The following PRXL2A variants were observed in gnomAD, a reference collection of about 807,000 sequenced individuals.
PRXL2A encodes peroxiredoxin like 2A.
In PRXL2A, 26 loss-of-function variants were observed where a neutral mutation model predicts 25.6. The observed-to-expected ratio is 1.02, with a 90% CI of 0.74 to 1.41. The LOEUF (loss-of-function observed/expected upper bound fraction) is 1.41. Among genes scored for constraint, PRXL2A ranks in the 40% most tolerant of loss-of-function variants. The pLI is 0.00. For missense variants in PRXL2A, 246 were observed against 273.9 expected, an observed-to-expected ratio of 0.90 and a Z score of 0.72; for synonymous variants, 98 against 102.9, an observed-to-expected ratio of 0.95 and a Z score of 0.29.
chr10:80,425,975 A>G lies in PRXL2A; in HGVS notation c.380A>G (p.Tyr127Cys), dbSNP rs1211178795. ...ACTGAAGTGAAGGATTTCCAGCCTT[A>G]TTTCAAAGGAGAAATCTTCCTGGAT... is the stretch of plus-strand genomic sequence containing the variant. ...IRTEVKDFQP[Y>C]FKGEIFLDEK... is the part of the protein sequence containing the mutation. The change falls in exon 4 of 6, where the codon TAT (tyrosine) becomes TGT (cysteine). Residue 127 changes from tyrosine to cysteine, a missense_variant. Physicochemically the swap from Tyr to Cys is radical, Grantham distance 194. Coordinates refer to ENST00000606162, the MANE Select transcript of PRXL2A (RefSeq NM_032333.5). 1 of 1,614,248 alleles carries G rather than the reference A, an allele frequency of 6.2e-7. No individual in the cohort carries two copies. Among genetic ancestry groups the G allele is most frequent in the Non-Finnish European group, 8.5e-7 (1 of 1,180,036 alleles).
In PRXL2A at chr10:80,432,079, T is replaced by C. The variant is rs1320898490; in HGVS notation, c.670T>C (p.Leu224=). 3 of 1,606,538 alleles carry C rather than the reference T, an allele frequency of 1.9e-6. No individual in the cohort carries two copies. Among genetic ancestry groups the C allele is most frequent in the Non-Finnish European group, 2.5e-6 (3 of 1,177,762 alleles). ...EAAKMIKPQT[L]ASEKK is the part of the protein sequence containing the mutation. ...TGCTAAGATGATCAAACCACAGACT[T>C]TGGCCTCAGAGAAAAAATGATTGTG... The change falls in exon 6 of 6, where the codon TTG becomes CTG. Residue 224 remains leucine (L), a synonymous_variant. Coordinates refer to ENST00000606162, the MANE Select transcript of PRXL2A (RefSeq NM_032333.5).
intron 3 of PRXL2A, among the ~76,000 whole-genome samples, chr10:80,424,564 C>T (rs1409014463): frequency 7.5e-6 from 1 of 132,934 alleles, no homozygotes. Flanking sequence ...GGCAACAGGG[C>T]AAGACTCAAA....
At chr10:80,422,973 G>A (rs1024771481) in intron 3 of PRXL2A, among the ~76,000 whole-genome samples, 14 of 152,206 alleles carry the variant, frequency 9.2e-5, no homozygotes, top group Admixed American at 7.9e-4. Context: ...TTTCCTTGGG[G>A]AGCTCTTAGA....
chr10:80,432,043 G>A lies in PRXL2A; in HGVS notation c.634G>A (p.Val212Ile). 6.2e-7 allele frequency: 1 copy of A among 1,611,312 alleles called. No homozygotes were observed. Among genetic ancestry groups the A allele is most frequent in the Non-Finnish European group, 8.5e-7 (1 of 1,179,356 alleles). ...TGGAGACAAAGTAAACCTACTTTCT[G>A]TTCTGGAAGCTGCTAAGATGATCAA... The part of the protein sequence containing the change: ...EFGDKVNLLS[V>I]LEAAKMIKPQ... Residue 212 changes from valine (V) to isoleucine (I), a missense_variant, in exon 6 of 6, where the codon GTT (valine) becomes ATT (isoleucine). Val to Ile is a conservative substitution (Grantham distance 29, BLOSUM62 3). Coordinates refer to ENST00000606162, the MANE Select transcript of PRXL2A (RefSeq NM_032333.5).
At chr10:80,424,508 C>T (rs115808020) in intron 3 of PRXL2A, among the ~76,000 whole-genome samples, 4,499 of 149,090 alleles carry the variant, frequency 0.03, 222 homozygotes, top group African/African-American at 0.1. Flanking sequence ...TGCTTGAGCC[C>T]AGGAGTTCAG....
chr10:80,419,032 C>G (rs1844764255), intron 1 of PRXL2A, among the ~76,000 whole-genome samples: 1 of 152,152 alleles, frequency 6.6e-6, no homozygotes. Flanking sequence ...TATGACCAGA[C>G]TGGAATGCAG....
At chr10:80,431,055 A>G (rs1219018988) in intron 5 of PRXL2A, among the ~76,000 whole-genome samples, 1 of 151,954 alleles carries the variant, frequency 6.6e-6, no homozygotes, top group Non-Finnish European at 1.5e-5. Flanking sequence ...GAGCTACCGT[A>G]CCTGGCTAAT....
At chr10:80,415,325 G>T (rs947779374) in intron 1 of PRXL2A, among the ~76,000 whole-genome samples, 1 of 152,242 alleles carries the variant, frequency 6.6e-6, no homozygotes, top group Non-Finnish European at 1.5e-5. Flanking sequence ...GGGTTTTGAG[G>T]TCTGGATCTT....
chr10:80,426,077 C>T, intron 4 of PRXL2A, 71 bp downstream of exon 4: 1 of 1,588,754 alleles, frequency 6.3e-7, no homozygotes, highest in South Asian at 1.1e-5. Context: ...AGTCAGGTGG[C>T]CCAGGTATGT....
intron 1 of PRXL2A, among the ~76,000 whole-genome samples, chr10:80,410,971 A>G (rs1225652075): frequency 6.6e-6 from 1 of 152,222 alleles, no homozygotes; most frequent in Non-Finnish European, 1.5e-5. Flanking sequence ...TTCAGCATCT[A>G]TTCAGAGGTT....
chr10:80,419,974 C>A, intron 1 of PRXL2A: 1 of 985,398 alleles, frequency 1.0e-6, no homozygotes, highest in Non-Finnish European at 1.2e-6. Context: ...GATAGGGGAA[C>A]AAAACAGTGC....
rs11423912 is a variant in PRXL2A at position 80,419,298 on chromosome 10, CT to C, written c.-2-1155del. Among the ~76,000 whole-genome samples, 670 of 129,152 alleles carry C rather than the reference CT, an allele frequency of 5.2e-3. 2 individuals carry two copies. The highest frequency in any genetic ancestry group is 7.0e-3 in the Non-Finnish European group (434 of 62,342). The allele number at this position is 129,152 out of a possible 152,430, so 84.7% of individuals were successfully genotyped here. A position where few individuals can be genotyped will look rare whatever the true frequency, so the allele number is the denominator to read the frequency against. On this transcript the variant is annotated intron_variant, in intron 1 of 5. Transcript: ENST00000606162. ...CGTGCCCTGCCAGGACTTCCTCTTT[CT>C]TTTTTTTTTTTTCTTTTTTTTTTTT...
intron 3 of PRXL2A, among the ~76,000 whole-genome samples, chr10:80,424,048 C>T (rs1207297721): frequency 2.0e-5 from 3 of 152,120 alleles, no homozygotes; most frequent in African/African-American, 7.2e-5. Flanking sequence ...CATTAAAATC[C>T]AGAAGGTTCC....
At chr10:80,414,554 C>A (rs1219189967) in intron 1 of PRXL2A, among the ~76,000 whole-genome samples, 1 of 152,216 alleles carries the variant, frequency 6.6e-6, no homozygotes, top group East Asian at 1.9e-4. Context: ...CCAGGACCGA[C>A]TTCTTTCTTC....
rs1050470601 is a variant in PRXL2A at position 80,432,854 on chromosome 10, T to C, written c.*755T>C. On this transcript the variant is annotated 3_prime_UTR_variant, in exon 6 of 6. Transcript: ENST00000606162. ...TCAAAGTAATACTTTCATAATAGAATTGACATGCTCTGGGATAGTTTGACA... is the reference window on the plus strand; with the variant it reads ...TCAAAGTAATACTTTCATAATAGAACTGACATGCTCTGGGATAGTTTGACA... 6.6e-6 allele frequency: 1 copy of C among 152,186 alleles called. No homozygotes were observed. The highest frequency in any genetic ancestry group is 1.5e-5 in the Non-Finnish European group (1 of 68,034). The allele number at this position is 152,186 out of a possible 1,614,324, so 9.4% of individuals were successfully genotyped here.
chr10:80,432,060 G>T lies in PRXL2A; in HGVS notation c.651G>T (p.Lys217Asn), dbSNP rs1845281219. The change falls in exon 6 of 6, where the codon AAG (lysine) becomes AAT (asparagine). Residue 217 changes from lysine to asparagine, a missense_variant. Lys to Asn is a moderately conservative substitution (Grantham distance 94). Coordinates refer to ENST00000606162, the MANE Select transcript of PRXL2A (RefSeq NM_032333.5). ...VNLLSVLEAA[K>N]MIKPQTLASE... ...TACTTTCTGTTCTGGAAGCTGCTAA[G>T]ATGATCAAACCACAGACTTTGGCCT... 1 of 1,610,832 alleles carries T rather than the reference G, an allele frequency of 6.2e-7. No homozygotes were observed. The highest frequency in any genetic ancestry group is 1.1e-5 in the South Asian group (1 of 90,978).
In PRXL2A at chr10:80,436,141, A is replaced by C. The variant is rs1845396997; in HGVS notation, c.*4042A>C. The C allele has an allele frequency of 6.8e-6, 1 of 146,814 alleles. No homozygotes were observed. Among genetic ancestry groups the C allele is most frequent in the Middle Eastern group, 3.4e-3 (1 of 290 alleles). 9.1% of individuals were successfully genotyped at this position (146,814 alleles called of 1,614,324 possible). A position where few individuals can be genotyped will look rare whatever the true frequency, so the allele number is the denominator to read the frequency against. On this transcript the variant is annotated 3_prime_UTR_variant, in exon 6 of 6. Coordinates refer to ENST00000606162, the MANE Select transcript of PRXL2A (RefSeq NM_032333.5). ...TTTTTTTTTTTTTTTTTTAGATAGA[A>C]TCTTGCTTGTCACCTAGGCTAGAGT...
intron 1 of PRXL2A, among the ~76,000 whole-genome samples, chr10:80,415,243 C>T (rs1844621067): frequency 1.3e-5 from 2 of 152,252 alleles, no homozygotes; most frequent in Non-Finnish European, 2.9e-5. Flanking sequence ...ATGGGGTCCA[C>T]TGCCCCAGAG....
intron 1 of PRXL2A, among the ~76,000 whole-genome samples, chr10:80,416,239 T>C (rs1417196328): frequency 6.6e-6 from 1 of 152,240 alleles, no homozygotes; most frequent in African/African-American, 2.4e-5. Context: ...CCAAGAACTT[T>C]AGTTGTCCAT....
Sources: gnomAD v4.1 joint callset for allele counts (sites outside exome capture counted in the v4.1 genomes callset) on GRCh38, gnomAD v4.1.1 for gene constraint, MANE v1.5 for transcripts, NCBI Gene and HGNC (gene_info 2026-07-23, HGNC 2026-07-21) for gene names.